Variants in LRRC37A2 observed in about 807,000 individuals in gnomAD.
LRRC37A2 encodes the protein leucine-rich repeat-containing protein 37A2.
A neutral mutation model predicts 68.8 loss-of-function variants in LRRC37A2; 9 were observed. The ratio of observed to expected loss-of-function variants is 0.13; its 90% CI spans 0.08 to 0.23. The LOEUF (loss-of-function observed/expected upper bound fraction) is 0.23. LRRC37A2 is among the 10% of genes least tolerant of loss of function. LRRC37A2 has a pLI of 1.00. For synonymous variants in LRRC37A2, 63 were observed against 367.6 expected (o/e 0.17, Z 9.48); for missense variants, 168 against 950.4 (o/e 0.18, Z 10.82).
At chr17:46,789,077 G>A in the LRRC37A2 span, among the ~76,000 whole-genome samples, 88 of 152,312 alleles carry the variant, frequency 5.8e-4, 1 homozygote, top group South Asian at 0.01. Flanking sequence ...AAACATTCAC[G>A]CTGGGCCAGG....
At chr17:47,012,102 T>C in the LRRC37A2 span, among the ~76,000 whole-genome samples, 1 of 152,038 alleles carries the variant, frequency 6.6e-6, no homozygotes, top group African/African-American at 2.4e-5. Flanking sequence ...TCTATGATGG[T>C]TGAAAAATGA....
the LRRC37A2 span, among the ~76,000 whole-genome samples, chr17:46,842,726 C>T: frequency 6.6e-6 from 1 of 152,184 alleles, no homozygotes; most frequent in East Asian, 1.9e-4. Context: ...TTCCTGGATC[C>T]TACAGAGTGC....
chr17:47,019,455 A>G, the LRRC37A2 span: 10 of 1,607,308 alleles, frequency 6.2e-6, 1 homozygote, highest in African/African-American at 8.1e-5. Context: ...AGGGCTTGCC[A>G]TAACTCCAGA....
At chr17:47,018,870 G>A in the LRRC37A2 span, 3 of 1,519,446 alleles carry the variant, frequency 2.0e-6, no homozygotes, top group Admixed American at 3.3e-5. Flanking sequence ...ATCCATGACA[G>A]AGGTTGAACT....
chr17:46,812,640 G>A, the LRRC37A2 span, among the ~76,000 whole-genome samples: 2 of 152,170 alleles, frequency 1.3e-5, no homozygotes, highest in Non-Finnish European at 2.9e-5. Flanking sequence ...CAGGTAAAGA[G>A]CTGAAGTGAG....
the LRRC37A2 span, among the ~76,000 whole-genome samples, chr17:46,845,485 ATTTTTTTTT>A: frequency 8.2e-6 from 1 of 121,382 alleles, no homozygotes; most frequent in Non-Finnish European, 1.7e-5. Context: ...AGTTATCTGA[ATTTTTTTTT>A]TTTTTTTTTT....
the LRRC37A2 span, among the ~76,000 whole-genome samples, chr17:46,782,735 G>A: frequency 1.3e-5 from 2 of 152,340 alleles, no homozygotes; most frequent in Admixed American, 1.3e-4. Context: ...GTGGATGAGG[G>A]AGGCCACAGG....
the LRRC37A2 span, among the ~76,000 whole-genome samples, chr17:46,870,075 A>T: frequency 6.6e-6 from 1 of 152,190 alleles, no homozygotes; most frequent in Non-Finnish European, 1.5e-5. Flanking sequence ...CATAGCTATT[A>T]TTCTTAAAAT....
At chr17:47,012,800 C>T in the LRRC37A2 span, among the ~76,000 whole-genome samples, 2 of 152,208 alleles carry the variant, frequency 1.3e-5, 1 homozygote, top group South Asian at 4.1e-4. Flanking sequence ...GATGCAGTCA[C>T]TTTGGAAATC....
the LRRC37A2 span, chr17:46,975,493 GC>G: frequency 1.3e-5 from 2 of 152,568 alleles, no homozygotes; most frequent in Non-Finnish European, 2.9e-5. Context: ...CAGTGTTCCC[GC>G]CCCCTGCCCC....
At chr17:46,717,037 A>G in the LRRC37A2 span, among the ~76,000 whole-genome samples, 1 of 152,220 alleles carries the variant, frequency 6.6e-6, no homozygotes, top group African/African-American at 2.4e-5. Context: ...AGAGTTATCT[A>G]TACTCCCAAG....
the LRRC37A2 span, among the ~76,000 whole-genome samples, chr17:46,972,016 G>A: frequency 6.6e-6 from 1 of 152,154 alleles, no homozygotes; most frequent in Non-Finnish European, 1.5e-5. Context: ...GGGCACGTGG[G>A]GGAGAGGGGG....
chr17:46,872,389 A>C, the LRRC37A2 span: 1 of 1,338,346 alleles, frequency 7.5e-7, no homozygotes, highest in Non-Finnish European at 9.7e-7. Flanking sequence ...TGGGGACGGG[A>C]CCTCCAGCGG....
At chr17:46,492,589 A>C in the LRRC37A2 span, among the ~76,000 whole-genome samples, 1 of 150,346 alleles carries the variant, frequency 6.7e-6, no homozygotes, top group African/African-American at 2.5e-5. Context: ...ACTGTTTTCC[A>C]AAGTAGCTGT....
chr17:46,525,626 C>G (rs1221398543), intron 6 of LRRC37A2, among the ~76,000 whole-genome samples: 1 of 121,316 alleles, frequency 8.2e-6, no homozygotes, highest in Admixed American at 8.1e-5. Flanking sequence ...TCATCATCAT[C>G]ATCATCATCA....
At chr17:46,485,946 C>G in the LRRC37A2 span, among the ~76,000 whole-genome samples, 3 of 80,602 alleles carry the variant, frequency 3.7e-5, 1 homozygote, top group African/African-American at 1.3e-4. Flanking sequence ...CCACTGCACT[C>G]CAGCCTGGGG....
At chr17:46,999,950 G>T in the LRRC37A2 span, among the ~76,000 whole-genome samples, 2 of 148,222 alleles carry the variant, frequency 1.3e-5, no homozygotes, top group African/African-American at 5.0e-5. Context: ...AGTGGGCTGA[G>T]ATCACGCCAC....
chr17:46,939,424 G>T, the LRRC37A2 span: 12 of 993,108 alleles, frequency 1.2e-5, no homozygotes, highest in Non-Finnish European at 1.4e-5. Context: ...TGAGGCCAGT[G>T]TTATTTCCCG....
chr17:46,809,036 T>A, the LRRC37A2 span, among the ~76,000 whole-genome samples: 2 of 152,102 alleles, frequency 1.3e-5, no homozygotes, highest in Non-Finnish European at 2.9e-5. Context: ...GGCTGCCTTT[T>A]AAAGTCAGAG....
Sources: gnomAD v4.1 joint callset for allele counts (sites outside exome capture counted in the v4.1 genomes callset) on GRCh38, gnomAD v4.1.1 for gene constraint, MANE v1.5 for transcripts, NCBI Gene and HGNC (gene_info 2026-07-23, HGNC 2026-07-21) for gene names.